The following TJP2 variants were observed in gnomAD, a reference collection of about 807,000 sequenced individuals.
TJP2 encodes tight junction protein 2.
TJP2 carries 91 observed loss-of-function variants against 133.1 expected under a neutral mutation model. The observed-to-expected ratio is 0.68, with a 90% CI of 0.58 to 0.81. The LOEUF (loss-of-function observed/expected upper bound fraction) is 0.81. Among genes scored for constraint, TJP2 ranks in the 40% least tolerant of loss-of-function variants. The probability of loss-of-function intolerance (pLI) is 0.00; values close to 1 mark genes in which losing one functional copy is unlikely to be tolerated. For synonymous variants in TJP2, 592 were observed against 583.4 expected, an observed-to-expected ratio of 1.01 and a Z score of -0.21; for missense variants, 1,541 against 1,565.6, an observed-to-expected ratio of 0.98 and a Z score of 0.26.
intron 1 of TJP2, among the ~76,000 whole-genome samples, chr9:69,138,390 G>A (rs951777936): frequency 1.3e-5 from 2 of 151,644 alleles, no homozygotes; most frequent in African/African-American, 4.9e-5. Flanking sequence ...CAGTCACAGG[G>A]CTGGACAGAT....
intron 1 of TJP2, among the ~76,000 whole-genome samples, chr9:69,211,164 C>A (rs1157223919): frequency 6.6e-6 from 1 of 152,056 alleles, no homozygotes; most frequent in Non-Finnish European, 1.5e-5. Flanking sequence ...ATGGTGAAGC[C>A]CCATCTCTAC....
At chr9:69,206,870 C>T (rs1156759707) in intron 1 of TJP2, among the ~76,000 whole-genome samples, 1 of 152,214 alleles carries the variant, frequency 6.6e-6, no homozygotes, top group African/African-American at 2.4e-5. Context: ...AGCCATCGCG[C>T]CCGGCCTCAT....
Position 69,249,488 on chromosome 9 carries a change from A to T in TJP2, c.2991+3A>T, listed in dbSNP as rs1240802629. On this transcript the variant is annotated splice_donor_region_variant and intron_variant, in intron 20 of 22. Coordinates refer to ENST00000377245, the MANE Select transcript of TJP2 (RefSeq NM_004817.4). ...CATTCAAGCCAGAGCCGCCCAAGGT[A>T]CGTGGCTGGGAAGCCCAGGATGGGA... The T allele has an allele frequency of 6.2e-7, 1 of 1,600,120 alleles. No individual in the cohort carries two copies. The highest frequency in any genetic ancestry group is 2.3e-5 in the East Asian group (1 of 44,372).
chr9:69,207,170 G>T lies in TJP2; in HGVS notation c.61-5378G>T, dbSNP rs554208065. On this transcript the variant is annotated intron_variant, in intron 1 of 22. Coordinates refer to ENST00000377245, the MANE Select transcript of TJP2 (RefSeq NM_004817.4). Reference sequence around the variant, plus strand: ...CCTAAACAATAGATTAATTTTGTTGGCAATTTTTTACTATAGTGAAAAACG... The same window carrying T: ...CCTAAACAATAGATTAATTTTGTTGTCAATTTTTTACTATAGTGAAAAACG... 3.4e-4 allele frequency among the ~76,000 whole-genome samples: 51 copies of T among 152,236 alleles called. No homozygotes were observed. In the South Asian group the frequency reaches 7.5e-3, roughly 22 times the overall value.
At position 69,236,951 on chromosome 9, in the gene TJP2, C is replaced by T; in HGVS notation, c.1994C>T (p.Ala665Val). ...EKGLIPNKSRAEQMASVQNAQ... is the reference protein window; with the variant it reads ...EKGLIPNKSRVEQMASVQNAQ... ...TACTTCCCGTGGTTTCTTCTCAGAG[C>T]TGAACAAATGGCCAGTGTTCAAAAT... is the stretch of plus-strand genomic sequence containing the variant. Residue 665 changes from alanine to valine, a missense_variant and splice_region_variant, in exon 14 of 23, where the codon GCT becomes GTT. Ala to Val is a moderately conservative substitution (Grantham distance 64). Coordinates refer to ENST00000377245, the MANE Select transcript of TJP2 (RefSeq NM_004817.4). 1.9e-6 allele frequency: 3 copies of T among 1,614,188 alleles called. No individual in the cohort carries two copies. Among genetic ancestry groups the T allele is most frequent in the Non-Finnish European group, 1.7e-6 (2 of 1,180,028 alleles).
rs369452767 is a variant in TJP2 at position 69,122,986 on chromosome 9, T to TTAAG, written c.-131+1262_-131+1265dup. Among the ~76,000 whole-genome samples the TTAAG allele has an allele frequency of 1.2e-3, 181 of 152,280 alleles. 1 individual carries two copies. The highest frequency in any genetic ancestry group is 4.2e-3 in the African/African-American group (176 of 41,550). On this transcript the variant is annotated intron_variant, in intron 1 of 5. Coordinates refer to the TJP2 transcript ENST00000423935. ...TCAAGTGTTCACGTGTCTTGCCACT[T>TTAAG]TAAGGTCACGGGTGCATTACCTGTC...
chr9:69,165,330 G>A (rs1436201894), intron 2 of TJP2, among the ~76,000 whole-genome samples: 5 of 152,020 alleles, frequency 3.3e-5, no homozygotes. Flanking sequence ...TAGAGACAGG[G>A]TCTTCCTATG....
chr9:69,213,156 C>T (rs922874895), intron 2 of TJP2, among the ~76,000 whole-genome samples: 14 of 150,014 alleles, frequency 9.3e-5, no homozygotes, highest in Admixed American at 5.4e-4. Context: ...CTCCGCCTCC[C>T]GGGTTCAAGC....
At chr9:69,196,581 A>G (rs1424442756) in intron 1 of TJP2, among the ~76,000 whole-genome samples, 1 of 149,132 alleles carries the variant, frequency 6.7e-6, no homozygotes, top group Non-Finnish European at 1.5e-5. Flanking sequence ...CTTTCTGACT[A>G]CAGACTCTAC....
chr9:69,121,467 C>A (rs969015101), upstream of TJP2: 3 of 506,116 alleles, frequency 5.9e-6, no homozygotes, highest in Non-Finnish European at 7.6e-6. Flanking sequence ...TTCCCCTTCT[C>A]TCAAACCTCT....
intron 1 of TJP2, among the ~76,000 whole-genome samples, chr9:69,180,803 C>A (rs904699667): frequency 7.9e-5 from 12 of 152,196 alleles, no homozygotes; most frequent in African/African-American, 2.9e-4. Flanking sequence ...CTGCGTTACC[C>A]TTCTGCAGTC....
intron 22 of TJP2, chr9:69,253,756 T>C (rs976046281): frequency 3.5e-6 from 1 of 288,676 alleles, no homozygotes; most frequent in African/African-American, 2.2e-5. Context: ...CTTGTGGCCA[T>C]TCTGACTGGA....
chr9:69,240,582 C>T (rs1425185444), intron 17 of TJP2, among the ~76,000 whole-genome samples: 1 of 152,154 alleles, frequency 6.6e-6, no homozygotes, highest in East Asian at 1.9e-4. Context: ...TTGTAATCCT[C>T]CCACTTTGGG....
chr9:69,179,907 T>A (rs1004357282), intron 1 of TJP2, among the ~76,000 whole-genome samples: 2 of 152,228 alleles, frequency 1.3e-5, no homozygotes, highest in African/African-American at 4.8e-5. Context: ...AAGGATCTTA[T>A]GTCACATTCT....
At chr9:69,157,838 A>G (rs997031625) in intron 2 of TJP2, among the ~76,000 whole-genome samples, 2 of 152,150 alleles carry the variant, frequency 1.3e-5, no homozygotes, top group African/African-American at 4.8e-5. Flanking sequence ...TTTTTTACTC[A>G]TGAACCAACA....
At chr9:69,165,163 C>T (rs1824283038) in intron 2 of TJP2, among the ~76,000 whole-genome samples, 1 of 152,132 alleles carries the variant, frequency 6.6e-6, no homozygotes, top group Non-Finnish European at 1.5e-5. Context: ...GGGTCTCAGT[C>T]TGTCACTGAG....
intron 10 of TJP2, 101 bp downstream of exon 10, chr9:69,229,351 T>G (rs904856688): frequency 3.6e-5 from 42 of 1,177,070 alleles, no homozygotes; most frequent in Non-Finnish European, 5.4e-5. Context: ...ATGGTGATTT[T>G]GTACACTGTC....
intron 7 of TJP2, 122 bp from the exon 8 acceptor site, chr9:69,227,643 C>A: frequency 1.4e-6 from 1 of 703,204 alleles, no homozygotes; most frequent in South Asian, 1.9e-5. Flanking sequence ...ACTAATAGCA[C>A]ATTTCCTGCC....
intron 1 of TJP2, among the ~76,000 whole-genome samples, 194 bp downstream of exon 1, chr9:69,174,626 G>T (rs1177011272): frequency 6.6e-6 from 1 of 152,212 alleles, no homozygotes; most frequent in Non-Finnish European, 1.5e-5. Flanking sequence ...CGTGGCCTCC[G>T]GGGCTCCTGG....
Sources: allele counts gnomAD v4.1 joint callset (sites outside exome capture counted in the v4.1 genomes callset), GRCh38; gene constraint gnomAD v4.1.1; transcripts MANE v1.5; gene names NCBI Gene and HGNC (gene_info 2026-07-23, HGNC 2026-07-21).